The following PCBD2 variants were observed in gnomAD, a reference collection of about 807,000 sequenced individuals.
The protein encoded by PCBD2 is pterin-4 alpha-carbinolamine dehydratase 2.
A neutral mutation model predicts 16.4 loss-of-function variants in PCBD2; 12 were observed. The observed-to-expected ratio is 0.73, with a 90% CI of 0.47 to 1.19. The LOEUF (loss-of-function observed/expected upper bound fraction) is 1.19. Ranked by LOEUF, PCBD2 falls within the 50% of genes most tolerant of loss-of-function variation. The pLI, the probability that PCBD2 is intolerant of heterozygous loss-of-function variation, is 0.00. For missense variants in PCBD2, 138 were observed against 156.8 expected (o/e 0.88, Z 0.64); for synonymous variants, 58 against 61.8 (o/e 0.94, Z 0.29).
At chr5:134,941,140 A>G in intron 2 of PCBD2, among the ~76,000 whole-genome samples, 1 of 148,906 alleles carries the variant, frequency 6.7e-6, no homozygotes. Context: ...AAAAAAAAAA[A>G]GAACTTGGTT....
chr5:134,923,721 A>G (rs79457816), intron 2 of PCBD2: 2 of 388,616 alleles, frequency 5.1e-6, no homozygotes, highest in African/African-American at 4.1e-5. Flanking sequence ...TCAGGTTTCT[A>G]GGTAAAGAAA....
At chr5:134,934,437 A>G (rs1219380414) in intron 2 of PCBD2, among the ~76,000 whole-genome samples, 1 of 152,190 alleles carries the variant, frequency 6.6e-6, no homozygotes, top group Non-Finnish European at 1.5e-5. Flanking sequence ...CGTGGTGTCT[A>G]ATCAGGTCGT....
chr5:134,930,923 C>G (rs1176017236), intron 2 of PCBD2, among the ~76,000 whole-genome samples: 1 of 151,932 alleles, frequency 6.6e-6, no homozygotes, highest in Non-Finnish European at 1.5e-5. Context: ...TTTTCTTTTT[C>G]TTTTTGTTTT....
intron 2 of PCBD2, among the ~76,000 whole-genome samples, chr5:134,945,975 A>G (rs1751291072): frequency 1.3e-5 from 2 of 152,066 alleles, no homozygotes; most frequent in South Asian, 2.1e-4. Flanking sequence ...TTTGTCTTTG[A>G]TACCAAAAAT....
rs58911694 is a variant in PCBD2 at position 134,962,072 on chromosome 5, T to TTGTGTGTGTGTG, written c.*1415_*1426dup. 0.011 allele frequency among the ~76,000 whole-genome samples: 1,481 copies of TTGTGTGTGTGTG among 140,562 alleles called. 17 individuals are homozygous for TTGTGTGTGTGTG. Among genetic ancestry groups the TTGTGTGTGTGTG allele is most frequent in the Middle Eastern group, 0.044 (12 of 270 alleles). 92.2% of individuals were successfully genotyped at this position (140,562 alleles called of 152,430 possible). The stretch of plus-strand genomic sequence containing the variant: ...CATTGCCCCCAGCCAGTATAACAGT[T>TTGTGTGTGTGTG]TGTGTGTGTGTGTGTGTGTGTGTGT... On this transcript the variant is annotated 3_prime_UTR_variant, in exon 4 of 4. Coordinates refer to ENST00000254908, the MANE Select transcript of PCBD2 (RefSeq NM_032151.5).
intron 2 of PCBD2, among the ~76,000 whole-genome samples, chr5:134,942,956 GTAAC>G (rs1751246886): frequency 1.3e-5 from 2 of 152,174 alleles, no homozygotes; most frequent in Non-Finnish European, 2.9e-5. Flanking sequence ...CATAAATAAA[GTAAC>G]TATCATTTAT....
intron 2 of PCBD2, among the ~76,000 whole-genome samples, chr5:134,911,158 T>C (rs535332911): frequency 2.0e-5 from 3 of 152,342 alleles, no homozygotes; most frequent in African/African-American, 7.2e-5. Flanking sequence ...GCTTGACTTA[T>C]TTTCCCTGAC....
At chr5:134,955,272 G>C (rs1291564213) in intron 2 of PCBD2, among the ~76,000 whole-genome samples, 1 of 149,916 alleles carries the variant, frequency 6.7e-6, no homozygotes, top group East Asian at 2.0e-4. Flanking sequence ...CTAATTTTGG[G>C]GGTTTCGTAT....
At chr5:134,923,310 G>A (rs1750929662) in intron 2 of PCBD2, 1 of 157,714 alleles carries the variant, frequency 6.3e-6, no homozygotes, top group South Asian at 2.0e-4. Context: ...GCCTAACCAT[G>A]GTGAGAATAG....
chr5:134,933,568 A>G (rs1751123122), intron 2 of PCBD2, among the ~76,000 whole-genome samples: 1 of 152,216 alleles, frequency 6.6e-6, no homozygotes, highest in Admixed American at 6.5e-5. Context: ...GGAGATATAT[A>G]AATTATTCCA....
chr5:134,923,858 T>C, intron 2 of PCBD2: 1 of 394,446 alleles, frequency 2.5e-6, no homozygotes, highest in East Asian at 3.6e-5. Context: ...GGGCGATCGA[T>C]GAGAAGGCGG....
chr5:134,952,312 A>G (rs1295767016), intron 2 of PCBD2, among the ~76,000 whole-genome samples: 1 of 152,178 alleles, frequency 6.6e-6, no homozygotes, highest in Non-Finnish European at 1.5e-5. Context: ...AGCATTCCAG[A>G]GAATGTTTTC....
intron 2 of PCBD2, among the ~76,000 whole-genome samples, chr5:134,952,802 T>G (rs1350914648): frequency 2.0e-5 from 3 of 150,236 alleles, no homozygotes; most frequent in African/African-American, 7.4e-5. Flanking sequence ...CGAGACCCTG[T>G]CTCTTAAAAA....
At chr5:134,943,256 A>G (rs1217925544) in intron 2 of PCBD2, among the ~76,000 whole-genome samples, 1 of 152,202 alleles carries the variant, frequency 6.6e-6, no homozygotes, top group Non-Finnish European at 1.5e-5. Flanking sequence ...ATCCATGGTG[A>G]CCGAAGCACT....
At chr5:134,950,440 TTGAC>T (rs1397469092) in intron 2 of PCBD2, among the ~76,000 whole-genome samples, 1 of 152,228 alleles carries the variant, frequency 6.6e-6, no homozygotes, top group African/African-American at 2.4e-5. Context: ...TACATGTTAT[TTGAC>T]TGAAGCTGTA....
intron 2 of PCBD2, among the ~76,000 whole-genome samples, chr5:134,936,816 G>T (rs1459623713): frequency 6.6e-6 from 1 of 152,162 alleles, no homozygotes; most frequent in Non-Finnish European, 1.5e-5. Flanking sequence ...GGTTGATTTT[G>T]AGAATAGAAG....
chr5:134,924,089 A>G (rs1471363746), intron 2 of PCBD2: 3 of 397,560 alleles, frequency 7.5e-6, no homozygotes, highest in African/African-American at 4.1e-5. Flanking sequence ...GGTTTTTCAT[A>G]TCATTGGTCG....
intron 2 of PCBD2, among the ~76,000 whole-genome samples, chr5:134,911,056 G>C (rs1021114962): frequency 6.6e-6 from 1 of 152,180 alleles, no homozygotes; most frequent in Non-Finnish European, 1.5e-5. Flanking sequence ...CCAATGTGCT[G>C]GGAATAGAGA....
intron 2 of PCBD2, among the ~76,000 whole-genome samples, chr5:134,921,861 C>T (rs1027097121): frequency 6.6e-6 from 1 of 152,186 alleles, no homozygotes; most frequent in African/African-American, 2.4e-5. Context: ...TTCCTGCTTC[C>T]ACTGGCCTGC....
Sources: allele counts gnomAD v4.1 joint callset (sites outside exome capture counted in the v4.1 genomes callset), GRCh38; gene constraint gnomAD v4.1.1; transcripts MANE v1.5; gene names NCBI Gene and HGNC (gene_info 2026-07-23, HGNC 2026-07-21).